RNF157: variants seen among roughly 807,000 people sequenced by gnomAD.
The protein encoded by RNF157 is ring finger protein 157.
RNF157 carries 55 observed loss-of-function variants against 88.3 expected under a neutral mutation model. That is an observed-to-expected ratio of 0.62 (90% CI 0.50 to 0.78). The LOEUF is 0.78. RNF157 is among the 30% of genes least tolerant of loss of function. RNF157 has a pLI of 0.00. For missense variants in RNF157, 788 were observed against 860.8 expected, an observed-to-expected ratio of 0.92 and a Z score of 1.06; for synonymous variants, 334 against 341.2, an observed-to-expected ratio of 0.98 and a Z score of 0.23.
At chr17:76,213,617 T>C (rs1290245277) in intron 1 of RNF157, among the ~76,000 whole-genome samples, 7 of 152,080 alleles carry the variant, frequency 4.6e-5, no homozygotes, top group Admixed American at 4.6e-4. Context: ...GATGTCTTTT[T>C]TTTTTGTCTT....
intron 1 of RNF157, among the ~76,000 whole-genome samples, chr17:76,230,509 C>T (rs1352389923): frequency 6.6e-6 from 1 of 152,142 alleles, no homozygotes; most frequent in Non-Finnish European, 1.5e-5. Flanking sequence ...AATCTCTCTG[C>T]TTCCAGTCTC....
chr17:76,224,753 CATA>C (rs1236630487), intron 1 of RNF157, among the ~76,000 whole-genome samples: 2 of 151,860 alleles, frequency 1.3e-5, no homozygotes, highest in Non-Finnish European at 2.9e-5. Context: ...CAAAAAAACT[CATA>C]ATGTTTTAAG....
chr17:76,156,579 A>C, intron 13 of RNF157: 1 of 962,938 alleles, frequency 1.0e-6, no homozygotes. Flanking sequence ...CGGCCATACA[A>C]AGACTGCAGC....
chr17:76,226,422 C>G, intron 1 of RNF157: 3 of 1,597,324 alleles, frequency 1.9e-6, no homozygotes, highest in Non-Finnish European at 2.6e-6. Flanking sequence ...TTATTAGTCT[C>G]CTGGACTAGG....
At chr17:76,227,447 A>G (rs1010814714) in intron 1 of RNF157, among the ~76,000 whole-genome samples, 2 of 152,138 alleles carry the variant, frequency 1.3e-5, no homozygotes, top group South Asian at 2.1e-4. Flanking sequence ...GACTGACTCT[A>G]TAACAGCACT....
intron 2 of RNF157, among the ~76,000 whole-genome samples, chr17:76,190,824 C>T (rs1412794397): frequency 6.7e-6 from 1 of 150,046 alleles, no homozygotes; most frequent in Non-Finnish European, 1.5e-5. Context: ...AGAAGAATGG[C>T]ACGAACCCGG....
Position 76,146,994 on chromosome 17 carries a change from C to G in RNF157, c.1922-1641G>C. Reference sequence around the variant, plus strand: ...GCTAATCCACCTCAGGCTCTAGTAACAGTCTCTGGTGCTTGACCCCAGGGG... The same window carrying G: ...GCTAATCCACCTCAGGCTCTAGTAAGAGTCTCTGGTGCTTGACCCCAGGGG... On this transcript the variant is annotated intron_variant, in intron 18 of 18. Coordinates refer to ENST00000269391, the MANE Select transcript of RNF157 (RefSeq NM_052916.3). The surrounding 1 kb of genome is among the most constrained non-coding windows in gnomAD (Gnocchi z 4.2). 1.0e-6 allele frequency: 1 copy of G among 985,402 alleles called. No homozygotes were observed. Among genetic ancestry groups the G allele is most frequent in the Non-Finnish European group, 1.2e-6 (1 of 829,924 alleles). 61.0% of individuals were successfully genotyped at this position (985,402 alleles called of 1,614,324 possible).
intron 2 of RNF157, chr17:76,211,728 C>T (rs1300938482): frequency 6.6e-6 from 1 of 152,212 alleles, no homozygotes; most frequent in East Asian, 1.9e-4. Flanking sequence ...TAGGACCTTC[C>T]TAGCACACGG....
intron 1 of RNF157, among the ~76,000 whole-genome samples, chr17:76,232,552 T>C (rs535556057): frequency 7.2e-5 from 11 of 152,358 alleles, no homozygotes; most frequent in African/African-American, 1.4e-4. Flanking sequence ...AATGCCGCTA[T>C]GAACATCTGC....
At chr17:76,208,395 A>T (rs999818585) in intron 2 of RNF157, among the ~76,000 whole-genome samples, 3 of 152,182 alleles carry the variant, frequency 2.0e-5, no homozygotes, top group Non-Finnish European at 4.4e-5. Flanking sequence ...GATCCCTTAC[A>T]GGCTGTGCAG....
At position 76,195,967 on chromosome 17, in the gene RNF157, A is replaced by G. The variant is rs1388627808; in HGVS notation, c.207+16397T>C. Among the ~76,000 whole-genome samples the G allele has an allele frequency of 6.6e-6, 1 of 152,208 alleles. No individual in the cohort carries two copies. The highest frequency in any genetic ancestry group is 1.5e-5 in the Non-Finnish European group (1 of 68,040). On this transcript the variant is annotated intron_variant, in intron 2 of 18. Transcript: ENST00000269391. The surrounding 1 kb of genome is among the most constrained non-coding windows in gnomAD (Gnocchi z 4.4). ...CCACCCTCTTTCATGGCAATGACCC[A>G]ATGACCCGGAAGGTACTATCCTTCT...
chr17:76,227,199 C>T (rs2070107942), intron 1 of RNF157, among the ~76,000 whole-genome samples: 1 of 151,128 alleles, frequency 6.6e-6, no homozygotes, highest in Admixed American at 6.6e-5. Context: ...TGGCTCACTG[C>T]AACCTCTGCT....
intron 2 of RNF157, among the ~76,000 whole-genome samples, chr17:76,177,478 C>T (rs554124807): frequency 6.6e-6 from 1 of 152,062 alleles, no homozygotes; most frequent in Non-Finnish European, 1.5e-5. Flanking sequence ...CCCCCTGCTG[C>T]CTCGGCCCCT....
intron 2 of RNF157, among the ~76,000 whole-genome samples, chr17:76,182,760 CATATATATATATATAT>C (rs377581288): frequency 1.1e-5 from 1 of 93,358 alleles, no homozygotes; most frequent in African/African-American, 5.8e-5. Context: ...GGCCTCGTCT[CATATATATATATATAT>C]ATATATATAT....
chr17:76,208,973 CAAAA>C (rs10699377), intron 2 of RNF157, among the ~76,000 whole-genome samples: 1 of 120,020 alleles, frequency 8.3e-6, no homozygotes. Flanking sequence ...GACTCTGCCT[CAAAA>C]AAAAAAAAAA....
At chr17:76,174,336 T>C (rs1006411633) in intron 2 of RNF157, among the ~76,000 whole-genome samples, 4 of 152,234 alleles carry the variant, frequency 2.6e-5, no homozygotes, top group Admixed American at 2.6e-4. Flanking sequence ...CTCTTTAACA[T>C]GTGAGCCAAG....
intron 1 of RNF157, among the ~76,000 whole-genome samples, chr17:76,212,822 C>A (rs1378397131): frequency 1.3e-5 from 2 of 152,134 alleles, no homozygotes; most frequent in Non-Finnish European, 2.9e-5. Context: ...GATCCTAGCA[C>A]TACACTCCAG....
chr17:76,216,966 T>C (rs1001005912), intron 1 of RNF157, among the ~76,000 whole-genome samples: 2 of 152,104 alleles, frequency 1.3e-5, no homozygotes, highest in Non-Finnish European at 2.9e-5. Flanking sequence ...AGCTGTATAC[T>C]TATAACTGGG....
At chr17:76,187,424 T>C (rs986427611) in intron 2 of RNF157, among the ~76,000 whole-genome samples, 7 of 151,842 alleles carry the variant, frequency 4.6e-5, no homozygotes, top group Non-Finnish European at 1.0e-4. Flanking sequence ...GACCTTGTGA[T>C]CCACCCACCT....
Sources: gnomAD v4.1 joint callset for allele counts (sites outside exome capture counted in the v4.1 genomes callset) on GRCh38, gnomAD v4.1.1 for gene constraint, Gnocchi (gnomAD v3.1) non-coding constraint, MANE v1.5 for transcripts, NCBI Gene and HGNC (gene_info 2026-07-23, HGNC 2026-07-21) for gene names.